SYCP1: variants seen among roughly 807,000 people sequenced by gnomAD.
The protein encoded by SYCP1 is cancer/testis antigen 8.
A neutral mutation model predicts 153.1 loss-of-function variants in SYCP1; 64 were observed. The ratio of observed to expected loss-of-function variants is 0.42; its 90% confidence interval spans 0.34 to 0.51. The LOEUF (loss-of-function observed/expected upper bound fraction) is 0.51, where lower values mean the gene tolerates loss of function less well. Among genes scored for constraint, SYCP1 ranks in the 20% least tolerant of loss-of-function variants. The probability of loss-of-function intolerance (pLI) is 0.06; values close to 1 mark genes in which losing one functional copy is unlikely to be tolerated. For missense variants in SYCP1, 997 were observed against 1,049.0 expected (o/e 0.95, Z 0.68); for synonymous variants, 384 against 341.8 (o/e 1.12, Z -1.36).
rs553924101 is a variant in SYCP1, at chr1:114,926,171, T to C, written c.1801-107T>C. Reference sequence around the variant, plus strand: ...TATATTAATGGAATTACCATGATTTTGAAGTGACCTTTATCAGTACTTTAT... The same window carrying C: ...TATATTAATGGAATTACCATGATTTCGAAGTGACCTTTATCAGTACTTTAT... On this transcript the variant is annotated intron_variant, in intron 21 of 31. Transcript: ENST00000369522. 4 of 807,620 alleles carry C rather than the reference T, an allele frequency of 5.0e-6. No homozygotes were observed. The African/African-American group carries it at 7.2e-5, about 14-fold the overall frequency. 50.0% of individuals were successfully genotyped at this position (807,620 alleles called of 1,614,324 possible).
intron 30 of SYCP1, among the ~76,000 whole-genome samples, chr1:114,994,382 T>C (rs1674131066): frequency 6.6e-6 from 1 of 151,420 alleles, no homozygotes; most frequent in Non-Finnish European, 1.5e-5. Context: ...GAAACTGAAA[T>C]AGAAATCAGT....
chr1:114,854,601 T>C (rs924853796), upstream of SYCP1, among the ~76,000 whole-genome samples: 3 of 152,192 alleles, frequency 2.0e-5, no homozygotes, highest in Admixed American at 1.3e-4. Context: ...TGTTTGCCCA[T>C]CTGTTTCCTT....
chr1:114,984,695 G>T (rs778596355), intron 29 of SYCP1, 30 bp from the exon 30 acceptor site: 24 of 1,317,130 alleles, frequency 1.8e-5, no homozygotes, highest in South Asian at 2.7e-5. Flanking sequence ...TATTTGATAT[G>T]ATAATGTATG....
At chr1:114,982,457 G>T (rs946162203) in intron 29 of SYCP1, among the ~76,000 whole-genome samples, 1 of 151,482 alleles carries the variant, frequency 6.6e-6, no homozygotes, top group Non-Finnish European at 1.5e-5. Context: ...TTATATTCAG[G>T]CTCATGGATT....
chr1:114,977,701 G>A, intron 28 of SYCP1, 85 bp downstream of exon 28: 1 of 854,668 alleles, frequency 1.2e-6, no homozygotes, highest in Non-Finnish European at 1.8e-6. Context: ...TTATAAGTAG[G>A]AAAATAACAT....
chr1:114,946,306 C>T lies in SYCP1; in HGVS notation c.2172C>T (p.Ile724=). 3 of 1,577,724 alleles carry T rather than the reference C, an allele frequency of 1.9e-6. No homozygotes were observed. The highest frequency in any genetic ancestry group is 2.6e-6 in the Non-Finnish European group (3 of 1,164,540). The part of the protein sequence containing the change: ...MEKHKHQYDK[I]IEERDSELGL... ...TAATATAGCACCAATATGATAAGAT[C>T]ATTGAAGAAAGAGACTCAGAATTAG... is the stretch of plus-strand genomic sequence containing the variant. Residue 724 remains isoleucine (I), a synonymous_variant, in exon 26 of 32, where the codon ATC becomes ATT. Transcript: ENST00000369522.
At chr1:114,919,331 C>A (rs1668708288) in intron 20 of SYCP1, among the ~76,000 whole-genome samples, 1 of 151,970 alleles carries the variant, frequency 6.6e-6, no homozygotes, top group African/African-American at 2.4e-5. Context: ...TGTTGATTAT[C>A]CTTACATTTG....
At chr1:114,882,591 T>C (rs1432414149) in intron 12 of SYCP1, among the ~76,000 whole-genome samples, 1 of 152,180 alleles carries the variant, frequency 6.6e-6, no homozygotes, top group African/African-American at 2.4e-5. Flanking sequence ...TGTGATTCTC[T>C]TTCTGTCTTG....
In SYCP1 at chr1:114,885,528, C is replaced by T; in HGVS notation, c.911-7C>T. 1 of 1,499,770 alleles carries T rather than the reference C, an allele frequency of 6.7e-7. No homozygotes were observed. The highest frequency in any genetic ancestry group is 1.4e-5 in the African/African-American group (1 of 71,002). The allele number at this position is 1,499,770 out of a possible 1,614,324, so 92.9% of individuals were successfully genotyped here. A position where few individuals can be genotyped will look rare whatever the true frequency, so the allele number is the denominator to read the frequency against. On this transcript the variant is annotated splice_polypyrimidine_tract_variant and splice_region_variant and intron_variant, in intron 12 of 31. Coordinates refer to ENST00000369522, the MANE Select transcript of SYCP1 (RefSeq NM_003176.4). Reference sequence around the variant, plus strand: ...AAGTACTATCTATTTATAACTTTCTCTTTTAGAATTACAGAGTGAAAACTT... The same window carrying T: ...AAGTACTATCTATTTATAACTTTCTTTTTTAGAATTACAGAGTGAAAACTT...
rs529529330 is a variant in SYCP1, at chr1:114,911,839, C to T, written c.1529+257C>T. Reference sequence around the variant, plus strand: ...ACTTTTCTTAGAGGTATTTAGTTCCCCATAAAAATAATCATTTTCAGTTCT... The same window carrying T: ...ACTTTTCTTAGAGGTATTTAGTTCCTCATAAAAATAATCATTTTCAGTTCT... On this transcript the variant is annotated intron_variant, in intron 18 of 31. Coordinates refer to ENST00000369522, the MANE Select transcript of SYCP1 (RefSeq NM_003176.4). Among the ~76,000 whole-genome samples the T allele has an allele frequency of 3.3e-5, 5 of 151,880 alleles. No homozygotes were observed. In the South Asian group the frequency reaches 6.2e-4, roughly 19 times the overall value.
chr1:114,907,915 T>G (rs957169079), intron 16 of SYCP1, among the ~76,000 whole-genome samples: 1 of 152,180 alleles, frequency 6.6e-6, no homozygotes, highest in Admixed American at 6.5e-5. Context: ...CATTTACATC[T>G]TCCAAGACAG....
intron 27 of SYCP1, among the ~76,000 whole-genome samples, chr1:114,968,150 T>C (rs546334235): frequency 3.9e-5 from 6 of 152,302 alleles, no homozygotes; most frequent in Admixed American, 1.3e-4. Flanking sequence ...CTGACAATTA[T>C]GTGTCTTGGG....
rs774353926 is a variant in SYCP1, at chr1:114,858,590, A to C, written c.335A>C (p.Glu112Ala). ...AGAGTGTATTCAAAACTGTATAAGG[A>C]GGCTGAAAAGATAAAAAAATGGAAA... ...LSRVYSKLYK[E>A]AEKIKKWKVS... is the part of the protein sequence containing the mutation. The change falls in exon 6 of 32, where the codon GAG becomes GCG. Residue 112 changes from glutamate to alanine, a missense_variant. This residue lies in a region of SYCP1 where 285 missense variants were observed against 366.1 expected (regional missense o/e 0.78). Transcript: ENST00000369522. 1 of 1,612,602 alleles carries C rather than the reference A, an allele frequency of 6.2e-7. No homozygotes were observed. The highest frequency in any genetic ancestry group is 8.5e-7 in the Non-Finnish European group (1 of 1,179,152).
At chr1:114,878,434 TATGCTCC>T (rs1429497177) in intron 12 of SYCP1, among the ~76,000 whole-genome samples, 2 of 152,218 alleles carry the variant, frequency 1.3e-5, no homozygotes, top group African/African-American at 4.8e-5. Flanking sequence ...GTTTCAACTA[TATGCTCC>T]ACAGAGACAG....
At chr1:114,935,010 T>C (rs770068398) in intron 23 of SYCP1, among the ~76,000 whole-genome samples, 6 of 151,988 alleles carry the variant, frequency 3.9e-5, no homozygotes, top group Non-Finnish European at 7.4e-5. Flanking sequence ...AGACAGAAAG[T>C]TAACAAGGAT....
At chr1:114,859,546 CTTTA>C (rs1664239760) in intron 6 of SYCP1, 193 bp from the exon 7 acceptor site, 1 of 205,836 alleles carries the variant, frequency 4.9e-6, no homozygotes, top group South Asian at 1.1e-4. Context: ...ATTTAGCCTT[CTTTA>C]TTTTAGATTG....
intron 30 of SYCP1, among the ~76,000 whole-genome samples, chr1:114,994,330 C>T (rs953538406): frequency 2.0e-5 from 3 of 151,134 alleles, no homozygotes; most frequent in Non-Finnish European, 4.4e-5. Flanking sequence ...TTTGAATAAA[C>T]GGGGTCAGGG....
chr1:114,892,019 G>T (rs371739099), intron 15 of SYCP1, among the ~76,000 whole-genome samples: 2 of 152,198 alleles, frequency 1.3e-5, no homozygotes, highest in Non-Finnish European at 2.9e-5. Flanking sequence ...ACAGGCAAGC[G>T]CATATGGGTG....
chr1:114,863,361 G>C (rs1278642983), intron 8 of SYCP1, among the ~76,000 whole-genome samples: 1 of 152,110 alleles, frequency 6.6e-6, no homozygotes, highest in Non-Finnish European at 1.5e-5. Flanking sequence ...AGACCAGCCT[G>C]GCCAACATGG....
Sources: gnomAD v4.1 joint callset for allele counts (sites outside exome capture counted in the v4.1 genomes callset) on GRCh38, gnomAD v4.1.1 for gene constraint, gnomAD v4.1.1 regional missense constraint, MANE v1.5 for transcripts, NCBI Gene and HGNC (gene_info 2026-07-23, HGNC 2026-07-21) for gene names.